Variants in SSTR2 observed in about 807,000 individuals in gnomAD.
SSTR2 encodes the protein somatostatin receptor 2.
Under a neutral mutation model 21.4 loss-of-function variants are expected in SSTR2, and 10 were observed. That is an observed-to-expected ratio of 0.47 (90% CI 0.29 to 0.79). SSTR2 has a LOEUF of 0.79. Ranked by LOEUF, SSTR2 falls within the 30% of genes least tolerant of loss-of-function variation. SSTR2 has a pLI of 0.10. For synonymous variants in SSTR2, 177 were observed against 181.3 expected, an observed-to-expected ratio of 0.98 and a Z score of 0.19; for missense variants, 364 against 468.8, an observed-to-expected ratio of 0.78 and a Z score of 2.06.
Position 73,172,810 on chromosome 17 carries a change from A to T in SSTR2, c.*2381A>T, listed in dbSNP as rs2061239229. 1 of 152,208 alleles carries T rather than the reference A, an allele frequency of 6.6e-6. No homozygotes were observed. Among genetic ancestry groups the T allele is most frequent in the South Asian group, 2.1e-4 (1 of 4,836 alleles). 9.4% of individuals were successfully genotyped at this position (152,208 alleles called of 1,614,324 possible). A position where few individuals can be genotyped will look rare whatever the true frequency, so the allele number is the denominator to read the frequency against. On this transcript the variant is annotated 3_prime_UTR_variant, in exon 2 of 2. Coordinates refer to ENST00000357585, the MANE Select transcript of SSTR2 (RefSeq NM_001050.3). ...CTTTAGACCTAACTTTACAATTATTATAACATAAGATGTTCCAGGGTCCTT... is the reference window on the plus strand; with the variant it reads ...CTTTAGACCTAACTTTACAATTATTTTAACATAAGATGTTCCAGGGTCCTT...
At position 73,170,725 on chromosome 17, in the gene SSTR2, A is replaced by C. The variant is rs1392949854; in HGVS notation, c.*296A>C. 1.8e-6 allele frequency: 1 copy of C among 568,538 alleles called. No individual in the cohort carries two copies. Among genetic ancestry groups the C allele is most frequent in the Admixed American group, 2.2e-5 (1 of 45,436 alleles). 35.2% of individuals were successfully genotyped at this position (568,538 alleles called of 1,614,324 possible). On this transcript the variant is annotated 3_prime_UTR_variant, in exon 2 of 2. Coordinates refer to ENST00000357585, the MANE Select transcript of SSTR2 (RefSeq NM_001050.3). Reference sequence around the variant, plus strand: ...TCTTTAGAAACAACAAAAATAGAAAAAAATAAGTATCTGTGTGTTTGTGTA... The same window carrying C: ...TCTTTAGAAACAACAAAAATAGAAACAAATAAGTATCTGTGTGTTTGTGTA...
Position 73,169,770 on chromosome 17 carries a change from G to A in SSTR2, c.451G>A (p.Ala151Thr), listed in dbSNP as rs1480997399. The change falls in exon 2 of 2, where the codon GCC becomes ACC. Residue 151 changes from alanine to threonine, a missense_variant. Physicochemically the swap from Ala to Thr is moderately conservative, Grantham distance 58 (BLOSUM62 0). This residue lies in a region of SSTR2 where 193 missense variants were observed against 273.1 expected (regional missense o/e 0.71). Coordinates refer to ENST00000357585, the MANE Select transcript of SSTR2 (RefSeq NM_001050.3). This position sits in a 1 kb window ranked among gnomAD's most constrained non-coding sequence, Gnocchi z 5.2. Reference sequence around the variant, plus strand: ...GGCTGTGGTCCACCCCATCAAGTCGGCCAAGTGGAGGAGACCCCGGACGGC... The same window carrying A: ...GGCTGTGGTCCACCCCATCAAGTCGACCAAGTGGAGGAGACCCCGGACGGC... ...YLAVVHPIKS[A>T]KWRRPRTAKM... 1 of 1,614,080 alleles carries A rather than the reference G, an allele frequency of 6.2e-7. No homozygotes were observed. Among genetic ancestry groups the A allele is most frequent in the African/African-American group, 1.3e-5 (1 of 74,940 alleles).
Position 73,170,995 on chromosome 17 carries a change from T to C in SSTR2, c.*566T>C, listed in dbSNP as rs2061233468. On this transcript the variant is annotated 3_prime_UTR_variant, in exon 2 of 2. Coordinates refer to ENST00000357585, the MANE Select transcript of SSTR2 (RefSeq NM_001050.3). ...GCCTTGCCAAGGCCCAGGAGGGACT[T>C]GGGCAGTATGTTCATGTGGTCATAT... 1 of 290,568 alleles carries C rather than the reference T, an allele frequency of 3.4e-6. No individual in the cohort carries two copies. Among genetic ancestry groups the C allele is most frequent in the African/African-American group, 2.2e-5 (1 of 45,680 alleles). The allele number at this position is 290,568 out of a possible 1,614,324, so 18.0% of individuals were successfully genotyped here. A position where few individuals can be genotyped will look rare whatever the true frequency, so the allele number is the denominator to read the frequency against.
At position 73,169,880 on chromosome 17, in the gene SSTR2, G is replaced by C; in HGVS notation, c.561G>C (p.Gln187His). The C allele has an allele frequency of 1.9e-6, 3 of 1,612,184 alleles. No homozygotes were observed. The highest frequency in any genetic ancestry group is 2.5e-6 in the Non-Finnish European group (3 of 1,178,408). Reference protein sequence around the residue: ...IMIYAGLRSNQWGRSSCTINW... With the variant: ...IMIYAGLRSNHWGRSSCTINW... Reference sequence around the variant, plus strand: ...TATATGCTGGGCTCCGGAGCAACCAGTGGGGGAGAAGCAGCTGCACCATCA... The same window carrying C: ...TATATGCTGGGCTCCGGAGCAACCACTGGGGGAGAAGCAGCTGCACCATCA... The change falls in exon 2 of 2, where the codon CAG becomes CAC. Residue 187 changes from glutamine (Q) to histidine (H), a missense_variant. Transcript: ENST00000357585. This position sits in a 1 kb window ranked among gnomAD's most constrained non-coding sequence, Gnocchi z 5.2.
rs997446745 is a variant in SSTR2 at position 73,172,636 on chromosome 17, T to C, written c.*2207T>C. ...TATAAAACAAGACTACAGAAAAAGTTGTGGCAGAAATTGCATGCAGGAAAA... is the reference window on the plus strand; with the variant it reads ...TATAAAACAAGACTACAGAAAAAGTCGTGGCAGAAATTGCATGCAGGAAAA... On this transcript the variant is annotated 3_prime_UTR_variant, in exon 2 of 2. Coordinates refer to ENST00000357585, the MANE Select transcript of SSTR2 (RefSeq NM_001050.3). The C allele has an allele frequency of 6.6e-6, 1 of 152,184 alleles. No individual in the cohort carries two copies. The highest frequency in any genetic ancestry group is 1.5e-5 in the Non-Finnish European group (1 of 68,030). The allele number at this position is 152,184 out of a possible 1,614,324, so 9.4% of individuals were successfully genotyped here.
chr17:73,169,014 T>G lies in SSTR2; in HGVS notation c.-92-214T>G, dbSNP rs2061225011. ...CCTCCCCGACATGTGCGTCAGCAGA[T>G]GATGGCTGAACCCAAACCCTTCCCT... is the stretch of plus-strand genomic sequence containing the variant. On this transcript the variant is annotated intron_variant, in intron 1 of 1. Transcript: ENST00000357585. The surrounding 1 kb of genome is among the most constrained non-coding windows in gnomAD (Gnocchi z 5.2). 6.6e-6 allele frequency among the ~76,000 whole-genome samples: 1 copy of G among 152,244 alleles called. No homozygotes were observed. The highest frequency in any genetic ancestry group is 1.5e-5 in the Non-Finnish European group (1 of 68,046).
In SSTR2 at chr17:73,170,637, C is replaced by T. The variant is rs1310202065; in HGVS notation, c.*208C>T. ...TAAATTGATTACCTCCCCCTTAAAG[C>T]GAACACTGAAATGCAGGTAGACAAT... On this transcript the variant is annotated 3_prime_UTR_variant, in exon 2 of 2. Transcript: ENST00000357585. 8.3e-6 allele frequency: 6 copies of T among 722,572 alleles called. No individual in the cohort carries two copies. Among genetic ancestry groups the T allele is most frequent in the South Asian group, 3.0e-5 (2 of 67,092 alleles). The allele number at this position is 722,572 out of a possible 1,614,324, so 44.8% of individuals were successfully genotyped here. A position where few individuals can be genotyped will look rare whatever the true frequency, so the allele number is the denominator to read the frequency against.
rs150184948 is a variant in SSTR2, at chr17:73,173,912, T to A, written c.*3483T>A. Reference sequence around the variant, plus strand: ...GGGAGGCTGAGGCGGGTGGATTACCTGAGGTCAGGAGTTCAAGACCAGCCT... The same window carrying A: ...GGGAGGCTGAGGCGGGTGGATTACCAGAGGTCAGGAGTTCAAGACCAGCCT... On this transcript the variant is annotated 3_prime_UTR_variant, in exon 2 of 2. Coordinates refer to ENST00000357585, the MANE Select transcript of SSTR2 (RefSeq NM_001050.3). 1,081 of 152,296 alleles carry A rather than the reference T, an allele frequency of 7.1e-3. 2 individuals carry two copies. The highest frequency in any genetic ancestry group is 0.012 in the Non-Finnish European group (810 of 68,066). The allele number at this position is 152,296 out of a possible 1,614,324, so 9.4% of individuals were successfully genotyped here.
chr17:73,166,756 A>C (rs1458445212), intron 1 of SSTR2, among the ~76,000 whole-genome samples: 1 of 152,146 alleles, frequency 6.6e-6, no homozygotes, highest in Non-Finnish European at 1.5e-5. Context: ...TCTTGCTTAG[A>C]GGAGCCTTCC....
In SSTR2 at chr17:73,172,430, C is replaced by A. The variant is rs916780139; in HGVS notation, c.*2001C>A. On this transcript the variant is annotated 3_prime_UTR_variant, in exon 2 of 2. Coordinates refer to ENST00000357585, the MANE Select transcript of SSTR2 (RefSeq NM_001050.3). ...TTCCTCATCCGGCTCCCTAAGCAAG[C>A]GCTGTTGGCCGGTGGGAGTGACTAA... is the stretch of plus-strand genomic sequence containing the variant. 1 of 152,190 alleles carries A rather than the reference C, an allele frequency of 6.6e-6. No individual in the cohort carries two copies. Among genetic ancestry groups the A allele is most frequent in the African/African-American group, 2.4e-5 (1 of 41,448 alleles). 9.4% of individuals were successfully genotyped at this position (152,190 alleles called of 1,614,324 possible).
intron 1 of SSTR2, among the ~76,000 whole-genome samples, chr17:73,168,508 AT>A (rs1218908489): frequency 6.6e-6 from 1 of 152,364 alleles, no homozygotes; most frequent in East Asian, 1.9e-4. Flanking sequence ...CCAGACTTTT[AT>A]TTTTAATACT....
rs35307496 is a variant in SSTR2 at position 73,170,566 on chromosome 17, A to G, written c.*137A>G. On this transcript the variant is annotated 3_prime_UTR_variant, in exon 2 of 2. Transcript: ENST00000357585. ...GGATTGCTCAGCATGAGTCCAATTC[A>G]GAGAACGGTGTTTGAGTCAGCTTGT... 9.0e-7 allele frequency: 1 copy of G among 1,111,812 alleles called. No individual in the cohort carries two copies. Among genetic ancestry groups the G allele is most frequent in the Non-Finnish European group, 1.3e-6 (1 of 747,048 alleles). The allele number at this position is 1,111,812 out of a possible 1,614,324, so 68.9% of individuals were successfully genotyped here.
chr17:73,169,273 T>G lies in SSTR2; in HGVS notation c.-47T>G. The G allele has an allele frequency of 6.4e-7, 1 of 1,573,106 alleles. No individual in the cohort carries two copies. The highest frequency in any genetic ancestry group is 1.2e-5 in the South Asian group (1 of 84,600). On this transcript the variant is annotated 5_prime_UTR_variant, in exon 2 of 2. Coordinates refer to ENST00000357585, the MANE Select transcript of SSTR2 (RefSeq NM_001050.3). This position sits in a 1 kb window ranked among gnomAD's most constrained non-coding sequence, Gnocchi z 5.2. ...CCTCCAGGGTCCATTAAGGTGAGAATAAGATCTCTGGGCTGGCTGGAACTA... is the reference window on the plus strand; with the variant it reads ...CCTCCAGGGTCCATTAAGGTGAGAAGAAGATCTCTGGGCTGGCTGGAACTA...
rs945978110 is a variant in SSTR2 at position 73,171,263 on chromosome 17, G to C, written c.*834G>C. The C allele has an allele frequency of 8.4e-5, 14 of 167,188 alleles. No homozygotes were observed. Among genetic ancestry groups the C allele is most frequent in the Non-Finnish European group, 1.9e-4 (13 of 68,328 alleles). 10.4% of individuals were successfully genotyped at this position (167,188 alleles called of 1,614,324 possible). On this transcript the variant is annotated 3_prime_UTR_variant, in exon 2 of 2. Coordinates refer to ENST00000357585, the MANE Select transcript of SSTR2 (RefSeq NM_001050.3). The stretch of plus-strand genomic sequence containing the variant: ...CAGAGAATTATTCATTTGCCCAAAA[G>C]GACTTAAGTGGTTGTGGTCATCCAT...
chr17:73,169,886 G>C lies in SSTR2; in HGVS notation c.567G>C (p.Gly189=), dbSNP rs781542962. Residue 189 remains glycine, a synonymous_variant, in exon 2 of 2, where the codon GGG becomes GGC. Transcript: ENST00000357585. The surrounding 1 kb of genome is among the most constrained non-coding windows in gnomAD (Gnocchi z 5.2). Reference sequence around the variant, plus strand: ...CTGGGCTCCGGAGCAACCAGTGGGGGAGAAGCAGCTGCACCATCAACTGGC... The same window carrying C: ...CTGGGCTCCGGAGCAACCAGTGGGGCAGAAGCAGCTGCACCATCAACTGGC... ...IYAGLRSNQW[G]RSSCTINWPG... 1.9e-6 allele frequency: 3 copies of C among 1,611,768 alleles called. No homozygotes were observed. Among genetic ancestry groups the C allele is most frequent in the Non-Finnish European group, 1.7e-6 (2 of 1,178,132 alleles).
intron 1 of SSTR2, among the ~76,000 whole-genome samples, chr17:73,166,493 C>G (rs149575043): frequency 6.6e-6 from 1 of 152,290 alleles, no homozygotes; most frequent in African/African-American, 2.4e-5. Flanking sequence ...CTCCTCTCTA[C>G]AGAGCCTGGA....
In SSTR2 at chr17:73,169,204, C is replaced by T; in HGVS notation, c.-92-24C>T. On this transcript the variant is annotated intron_variant, in intron 1 of 1. Transcript: ENST00000357585. This position sits in a 1 kb window ranked among gnomAD's most constrained non-coding sequence, Gnocchi z 5.2. ...CTTTAAACAGCCTGTGACCGACGGG[C>T]CAATCTTCCTCTTTTCCTTCCAGAT... 1 of 1,299,652 alleles carries T rather than the reference C, an allele frequency of 7.7e-7. No individual in the cohort carries two copies. 80.5% of individuals were successfully genotyped at this position (1,299,652 alleles called of 1,614,324 possible). A position where few individuals can be genotyped will look rare whatever the true frequency, so the allele number is the denominator to read the frequency against.
rs537035026 is a variant in SSTR2 at position 73,171,873 on chromosome 17, A to T, written c.*1444A>T. The T allele has an allele frequency of 7.6e-6, 1 of 131,372 alleles. No individual in the cohort carries two copies. The highest frequency in any genetic ancestry group is 1.6e-5 in the Non-Finnish European group (1 of 63,436). The allele number at this position is 131,372 out of a possible 1,614,324, so 8.1% of individuals were successfully genotyped here. On this transcript the variant is annotated 3_prime_UTR_variant, in exon 2 of 2. Transcript: ENST00000357585. ...GAGGTGGAGGTTGCAGTAAGCTGAG[A>T]TTGTGCCACTGCACTCTAGCCTGAG...
In SSTR2 at chr17:73,169,832, G is replaced by A. The variant is rs1308747105; in HGVS notation, c.513G>A (p.Leu171=). ...MITMAVWGVS[L]LVILPIMIYA... ...CCATGGCTGTGTGGGGAGTCTCTCT[G>A]CTGGTCATCTTGCCCATCATGATAT... is the stretch of plus-strand genomic sequence containing the variant. Residue 171 remains leucine, a synonymous_variant, in exon 2 of 2, where the codon CTG becomes CTA. Coordinates refer to ENST00000357585, the MANE Select transcript of SSTR2 (RefSeq NM_001050.3). This position sits in a 1 kb window ranked among gnomAD's most constrained non-coding sequence, Gnocchi z 5.2. 1.9e-6 allele frequency: 3 copies of A among 1,614,062 alleles called. No homozygotes were observed. The African/African-American group carries it at 4.0e-5, about 22-fold the overall frequency.
Sources: gnomAD v4.1 joint callset for allele counts (sites outside exome capture counted in the v4.1 genomes callset) on GRCh38, gnomAD v4.1.1 for gene constraint, gnomAD v4.1.1 regional missense constraint, Gnocchi (gnomAD v3.1) non-coding constraint, MANE v1.5 for transcripts, NCBI Gene and HGNC (gene_info 2026-07-23, HGNC 2026-07-21) for gene names.